CFAP47: variants seen among roughly 807,000 people sequenced by gnomAD.
CFAP47 encodes cilia- and flagella-associated protein 47.
CFAP47 carries 29 observed loss-of-function variants against 148.1 expected under a neutral mutation model. The observed-to-expected ratio is 0.20, with a 90% CI of 0.15 to 0.27. The LOEUF (loss-of-function observed/expected upper bound fraction) is 0.27, where lower values mean the gene tolerates loss of function less well. Ranked by LOEUF, CFAP47 falls within the 10% of genes least tolerant of loss-of-function variation. The pLI is 1.00. For synonymous variants in CFAP47, 664 were observed against 577.3 expected (o/e 1.15, Z -2.15); for missense variants, 1,872 against 1,697.5 (o/e 1.10, Z -1.81).
chrX:36,247,890 AGGCTGCT>A (rs1940636886), intron 48 of CFAP47, among the ~76,000 whole-genome samples: 1 of 111,125 alleles, frequency 9.0e-6, no homozygotes, highest in African/African-American at 3.2e-5. Flanking sequence ...GTTCAACTTT[AGGCTGCT>A]TATATTAGAC....
intron 7 of CFAP47, among the ~76,000 whole-genome samples, chrX:35,955,422 C>T (rs1454982040): frequency 1.8e-5 from 2 of 112,165 alleles, no homozygotes; most frequent in Non-Finnish European, 3.8e-5. Context: ...CTACTCTTCT[C>T]CTCCAGCCAT....
At chrX:36,135,377 G>A (rs1290104007) in intron 33 of CFAP47, among the ~76,000 whole-genome samples, 1 of 111,617 alleles carries the variant, frequency 9.0e-6, no homozygotes, top group East Asian at 2.8e-4. Context: ...CCTCTAAACT[G>A]AAGACAAACC....
chrX:36,099,694 C>A, intron 31 of CFAP47, 57 bp from the exon 32 acceptor site: 3 of 517,962 alleles, frequency 5.8e-6, no homozygotes, highest in Non-Finnish European at 9.5e-6. Flanking sequence ...AAAAAAAACT[C>A]ATATGCTAAA....
chrX:36,191,705 C>T (rs782713787), intron 42 of CFAP47, among the ~76,000 whole-genome samples: 1 of 111,312 alleles, frequency 9.0e-6, no homozygotes, highest in South Asian at 3.8e-4. Context: ...ACCTGTTGGC[C>T]GGGCGCAGTG....
chrX:36,174,084 T>G (rs1419990993), intron 39 of CFAP47, among the ~76,000 whole-genome samples: 1 of 107,794 alleles, frequency 9.3e-6, no homozygotes, highest in Non-Finnish European at 1.9e-5. Context: ...TGATCTTTGT[T>G]GGTTTAAAGT....
In CFAP47 at chrX:36,043,464, A is replaced by C. The variant is rs1414306677; in HGVS notation, c.4008-3390A>C. ...TCCAAGATACAATGAGGGTACAAGC[A>C]CAGGGTAAATGTCCATATTCCAAAT... On this transcript the variant is annotated intron_variant, in intron 25 of 63. Coordinates refer to ENST00000378653, the MANE Select transcript of CFAP47 (RefSeq NM_001304548.2). Among the ~76,000 whole-genome samples the C allele has an allele frequency of 4.4e-5, 5 of 112,942 alleles. No individual in the cohort carries two copies. The East Asian group carries it at 8.4e-4, about 19-fold the overall frequency.
At chrX:35,960,409 G>GAAAAAAAAAAAAAAAAAAA (rs1936313788) in intron 8 of CFAP47, among the ~76,000 whole-genome samples, 1 of 69,696 alleles carries the variant, frequency 1.4e-5, no homozygotes, top group African/African-American at 9.2e-5. Context: ...AAAAAAAAAG[G>GAAAAAAAAAAAAAAAAAAA]ACAGCTGGAA....
At chrX:36,279,044 A>G (rs1445143664) in intron 49 of CFAP47, among the ~76,000 whole-genome samples, 2 of 111,792 alleles carry the variant, frequency 1.8e-5, no homozygotes, top group Non-Finnish European at 3.8e-5. Context: ...CCCAGAAACA[A>G]GTTAAAATAT....
At chrX:36,095,404 A>AT (rs749331035) in intron 30 of CFAP47, among the ~76,000 whole-genome samples, 497 of 112,134 alleles carry the variant, frequency 4.4e-3, no homozygotes, top group Non-Finnish European at 7.9e-3. Flanking sequence ...TCATATAATG[A>AT]TTTTGGAAGA....
At chrX:36,114,198 G>T (rs1364793578) in intron 33 of CFAP47, among the ~76,000 whole-genome samples, 1 of 111,567 alleles carries the variant, frequency 9.0e-6, no homozygotes, top group Non-Finnish European at 1.9e-5. Context: ...TAAGCTCTAT[G>T]ACGTCGATTA....
chrX:36,294,309 A>G (rs1302227442), intron 51 of CFAP47, among the ~76,000 whole-genome samples: 4 of 111,537 alleles, frequency 3.6e-5, no homozygotes, highest in Admixed American at 9.6e-5. Flanking sequence ...CCTCACAGGC[A>G]GTGTGCAAAA....
intron 45 of CFAP47, among the ~76,000 whole-genome samples, chrX:36,225,545 C>A (rs144275522): frequency 7.2e-4 from 81 of 111,750 alleles, no homozygotes; most frequent in Non-Finnish European, 8.7e-4. Context: ...TAATAGTGAC[C>A]TCTTAGTTAC....
Position 36,384,787 on chromosome X carries a change from T to C in CFAP47, c.9355-10T>C, listed in dbSNP as rs1556024831. 3.5e-6 allele frequency: 4 copies of C among 1,146,419 alleles called. No homozygotes were observed. In the South Asian group the frequency reaches 7.7e-5, roughly 22 times the overall value. The allele number at this position is 1,146,419 out of a possible 1,213,427, so 94.5% of individuals were successfully genotyped here. The stretch of plus-strand genomic sequence containing the variant: ...ATTTCAAATGAAAATTTCTCCCTCT[T>C]TCTATCCAGACAGAAGAAATGTACT... On this transcript the variant is annotated splice_polypyrimidine_tract_variant and intron_variant, in intron 63 of 63. Transcript: ENST00000378653.
At chrX:36,232,711 T>C (rs1300889394) in intron 46 of CFAP47, among the ~76,000 whole-genome samples, 27 of 112,023 alleles carry the variant, frequency 2.4e-4, no homozygotes, top group Admixed American at 2.2e-3. Flanking sequence ...GGTGTTAGGG[T>C]GTCAATTTTA....
chrX:36,356,975 CT>C (rs1483842651), intron 60 of CFAP47, among the ~76,000 whole-genome samples: 1 of 112,171 alleles, frequency 8.9e-6, no homozygotes, highest in Non-Finnish European at 1.9e-5. Context: ...GAAATTTGGG[CT>C]TTTAAATACC....
intron 57 of CFAP47, among the ~76,000 whole-genome samples, chrX:36,321,124 ACCTAAGTGT>A (rs1941475613): frequency 8.9e-6 from 1 of 111,925 alleles, no homozygotes; most frequent in Non-Finnish European, 1.9e-5. Flanking sequence ...TTTGGAAGTA[ACCTAAGTGT>A]CCATCAACAG....
rs1031339782 is a variant in CFAP47, at chrX:36,090,176, G to A, written c.4916+4638G>A. Among the ~76,000 whole-genome samples, 5 of 111,957 alleles carry A rather than the reference G, an allele frequency of 4.5e-5. No homozygotes were observed. The Admixed American group carries it at 4.7e-4, about 11-fold the overall frequency. ...AATTTTAATAAGTTTATAACAGAAA[G>A]CACATAGCTTTTAATTTTACCACTT... On this transcript the variant is annotated intron_variant, in intron 30 of 63. Transcript: ENST00000378653.
At chrX:36,279,566 T>G (rs1556003226) in intron 49 of CFAP47, among the ~76,000 whole-genome samples, 1 of 112,141 alleles carries the variant, frequency 8.9e-6, no homozygotes, top group African/African-American at 3.2e-5. Context: ...AAGCTGGTAT[T>G]TAGAGGTCAG....
intron 3 of CFAP47, among the ~76,000 whole-genome samples, chrX:35,942,550 C>G (rs777793409): frequency 9.0e-5 from 10 of 111,023 alleles, no homozygotes; most frequent in Non-Finnish European, 1.5e-4. Flanking sequence ...ATCCTTTAGA[C>G]TCTCTAGTTA....
Sources: gnomAD v4.1 joint callset for allele counts (sites outside exome capture counted in the v4.1 genomes callset) on GRCh38, gnomAD v4.1.1 for gene constraint, MANE v1.5 for transcripts, NCBI Gene and HGNC (gene_info 2026-07-23, HGNC 2026-07-21) for gene names.